The following TRAF3IP3 variants were observed in gnomAD, a reference collection of about 807,000 sequenced individuals.
TRAF3IP3 encodes the protein TRAF3 interacting protein 3.
In TRAF3IP3, 64 loss-of-function variants were observed where a neutral mutation model predicts 86.5. The observed-to-expected ratio is 0.74, with a 90% CI of 0.60 to 0.91. The LOEUF is 0.91. TRAF3IP3 is among the 40% of genes least tolerant of loss of function. The probability of loss-of-function intolerance (pLI) is 0.00; values close to 1 mark genes in which losing one functional copy is unlikely to be tolerated. For missense variants in TRAF3IP3, 579 were observed against 642.9 expected (o/e 0.90, Z 1.07); for synonymous variants, 220 against 243.9 (o/e 0.90, Z 0.91).
rs756606085 is a variant in TRAF3IP3 at position 209,760,373 on chromosome 1, C to G, written c.334C>G (p.Pro112Ala). The change falls in exon 3 of 17, where the codon CCC becomes GCC. Residue 112 changes from proline to alanine, a missense_variant. Coordinates refer to ENST00000367025, the MANE Select transcript of TRAF3IP3 (RefSeq NM_025228.4). ...PLSCARRISS[P>A]REQVTGTSSE... ...GTCTTGTGCCAGAAGGATTTCTTCT[C>G]CCAGAGAGCAGGTGGGCCGTGTCAA... 1.3e-6 allele frequency: 2 copies of G among 1,596,290 alleles called. No homozygotes were observed. The highest frequency in any genetic ancestry group is 1.8e-5 in the Admixed American group (1 of 57,012).
In TRAF3IP3 at chr1:209,763,057, T is replaced by C. The variant is rs1296728239; in HGVS notation, c.552-11T>C. On this transcript the variant is annotated splice_polypyrimidine_tract_variant and intron_variant, in intron 5 of 16. Coordinates refer to ENST00000367025, the MANE Select transcript of TRAF3IP3 (RefSeq NM_025228.4). ...TCCATTATCATTATTTTTAATTTCT[T>C]CTCTTTCCAGTTACGGAGTTGCAGT... 1 of 1,613,712 alleles carries C rather than the reference T, an allele frequency of 6.2e-7. No homozygotes were observed. Among genetic ancestry groups the C allele is most frequent in the South Asian group, 1.1e-5 (1 of 91,072 alleles).
chr1:209,777,380 A>G lies in TRAF3IP3; in HGVS notation c.1082A>G (p.Asn361Ser). The G allele has an allele frequency of 6.2e-7, 1 of 1,614,014 alleles. No homozygotes were observed. The highest frequency in any genetic ancestry group is 1.3e-5 in the African/African-American group (1 of 75,010). Residue 361 changes from asparagine to serine, a missense_variant, in exon 12 of 17, where the codon AAC (asparagine) becomes AGC (serine). Coordinates refer to ENST00000367025, the MANE Select transcript of TRAF3IP3 (RefSeq NM_025228.4). The stretch of plus-strand genomic sequence containing the variant: ...GCAGATAGCAGGGACTTACAGATGA[A>G]CCAGGCCCTGCGATTTTTGGAAAAT... ...QGADSRDLQMNQALRFLENEH... is the reference protein window; with the variant it reads ...QGADSRDLQMSQALRFLENEH...
intron 8 of TRAF3IP3, among the ~76,000 whole-genome samples, chr1:209,772,641 C>A (rs572352373): frequency 1.4e-4 from 22 of 152,092 alleles, no homozygotes; most frequent in Non-Finnish European, 3.2e-4. Flanking sequence ...AGATAGTGAG[C>A]GAAAGGGTAG....
In TRAF3IP3 at chr1:209,781,013, T is replaced by C. The variant is rs2077766839; in HGVS notation, c.1450-332T>C. 5 of 194,632 alleles carry C rather than the reference T, an allele frequency of 2.6e-5. No individual in the cohort carries two copies. The South Asian group carries it at 3.9e-4, about 15-fold the overall frequency. 12.1% of individuals were successfully genotyped at this position (194,632 alleles called of 1,614,324 possible). A position where few individuals can be genotyped will look rare whatever the true frequency, so the allele number is the denominator to read the frequency against. On this transcript the variant is annotated intron_variant, in intron 15 of 16. Coordinates refer to ENST00000367025, the MANE Select transcript of TRAF3IP3 (RefSeq NM_025228.4). ...GCAACTAGCTCCTGGGAAAGAAACT[T>C]GTACTAAGGTCACTTCTAGGTCGTT...
rs771301115 is a variant in TRAF3IP3, at chr1:209,760,102, C to T, written c.63C>T (p.Ala21=). Residue 21 remains alanine, a synonymous_variant, in exon 3 of 17, where the codon GCC becomes GCT. Transcript: ENST00000367025. ...CCCGGTGGGCTGAGAGCTATGAGGC[C>T]AAGTGTGAGCGCAGGCAAGAGATCC... ...GLARWAESYE[A]KCERRQEIRE... is the part of the protein sequence containing the mutation. The T allele has an allele frequency of 1.9e-6, 3 of 1,614,104 alleles. No individual in the cohort carries two copies. In the South Asian group the frequency reaches 3.3e-5, roughly 18 times the overall value.
At chr1:209,781,857 G>A (rs2077788622) in intron 16 of TRAF3IP3, 199 bp from the exon 17 acceptor site, 1 of 575,854 alleles carries the variant, frequency 1.7e-6, no homozygotes, top group Non-Finnish European at 3.1e-6. Context: ...GATGGATACG[G>A]CTCCCTGGGC....
chr1:209,779,916 A>C (rs971919442), intron 14 of TRAF3IP3: 1 of 176,454 alleles, frequency 5.7e-6, no homozygotes, highest in African/African-American at 2.4e-5. Flanking sequence ...AGTATGGATA[A>C]GAACATGAAA....
chr1:209,765,212 AG>A (rs1254371772), intron 8 of TRAF3IP3, among the ~76,000 whole-genome samples: 7 of 124,274 alleles, frequency 5.6e-5, no homozygotes, highest in African/African-American at 2.1e-4. Context: ...AGAGAGAGAG[AG>A]GGAGAGAGAG....
chr1:209,763,186 C>T, intron 6 of TRAF3IP3, 94 bp downstream of exon 6: 1 of 1,452,290 alleles, frequency 6.9e-7, no homozygotes, highest in Non-Finnish European at 9.7e-7. Context: ...GATGGAGGGG[C>T]ATCTTCTTCC....
chr1:209,762,396 G>A, intron 3 of TRAF3IP3, 119 bp from the exon 4 acceptor site: 1 of 1,029,938 alleles, frequency 9.7e-7, no homozygotes. Context: ...TGGGCGGGGG[G>A]ACAATAAACA....
At chr1:209,767,441 A>G (rs1402997031) in intron 8 of TRAF3IP3, among the ~76,000 whole-genome samples, 2 of 152,306 alleles carry the variant, frequency 1.3e-5, no homozygotes, top group African/African-American at 4.8e-5. Flanking sequence ...CACACCTGTA[A>G]TCCCAACACT....
intron 8 of TRAF3IP3, among the ~76,000 whole-genome samples, chr1:209,765,192 AG>A (rs2077321247): frequency 2.9e-5 from 1 of 34,262 alleles, no homozygotes; most frequent in Non-Finnish European, 5.2e-5. Context: ...AGAGAGAGAG[AG>A]AGAGAGAGAG....
In TRAF3IP3 at chr1:209,777,238, T is replaced by A. The variant is rs573994549; in HGVS notation, c.1054-114T>A. 4.3e-5 allele frequency: 39 copies of A among 900,932 alleles called. No homozygotes were observed. In the African/African-American group the frequency reaches 6.1e-4, roughly 14 times the overall value. 55.8% of individuals were successfully genotyped at this position (900,932 alleles called of 1,614,324 possible). On this transcript the variant is annotated intron_variant, in intron 11 of 16. Transcript: ENST00000367025. ...TATTTTCTCATCTCCCTAACATTCC[T>A]TCTATCTCTAAAATTCCAGACTTTT...
At chr1:209,779,950 A>G (rs1339491512) in intron 14 of TRAF3IP3, 1 of 165,364 alleles carries the variant, frequency 6.0e-6, no homozygotes, top group Non-Finnish European at 1.3e-5. Flanking sequence ...CAAACTAACA[A>G]CACAGCTATA....
intron 10 of TRAF3IP3, 54 bp downstream of exon 10, chr1:209,775,543 C>A: frequency 6.2e-7 from 1 of 1,614,172 alleles, no homozygotes; most frequent in Non-Finnish European, 8.5e-7. Context: ...GCTTGGGGAA[C>A]AAGGGGAGCC....
intron 8 of TRAF3IP3, chr1:209,768,483 A>G (rs1410642901): frequency 1.0e-6 from 1 of 985,448 alleles, no homozygotes; most frequent in African/African-American, 1.7e-5. Context: ...TGGAATTAAG[A>G]TCTTGAGATG....
intron 8 of TRAF3IP3, among the ~76,000 whole-genome samples, chr1:209,764,885 AAC>A (rs1208393286): frequency 1.1e-4 from 16 of 152,158 alleles, no homozygotes; most frequent in Admixed American, 8.5e-4. Flanking sequence ...TAGAAATTAA[AAC>A]AGTTGGCCAG....
intron 14 of TRAF3IP3, chr1:209,779,910 T>C (rs1217876543): frequency 5.4e-6 from 1 of 183,636 alleles, no homozygotes; most frequent in Non-Finnish European, 1.1e-5. Context: ...TCACAGAGTA[T>C]GGATAAGAAC....
intron 11 of TRAF3IP3, 83 bp from the exon 12 acceptor site, chr1:209,777,268 AT>A: frequency 7.9e-7 from 1 of 1,269,170 alleles, no homozygotes; most frequent in South Asian, 1.6e-5. Context: ...ACTTTTCTAC[AT>A]TTTCCTCTTC....
Sources: allele counts gnomAD v4.1 joint callset (sites outside exome capture counted in the v4.1 genomes callset), GRCh38; gene constraint gnomAD v4.1.1; transcripts MANE v1.5; gene names NCBI Gene and HGNC (gene_info 2026-07-23, HGNC 2026-07-21).